Variants in SCAP observed in about 807,000 individuals in gnomAD.
SCAP encodes the protein SREBF chaperone.
A neutral mutation model predicts 123.6 loss-of-function variants in SCAP; 65 were observed. That is an observed-to-expected ratio of 0.53 (90% CI 0.43 to 0.65). SCAP has a LOEUF of 0.65. SCAP is among the 30% of genes least tolerant of loss of function. The pLI, the probability that SCAP is intolerant of heterozygous loss-of-function variation, is 0.00. For synonymous variants in SCAP, 740 were observed against 726.3 expected, an observed-to-expected ratio of 1.02 and a Z score of -0.30; for missense variants, 1,398 against 1,712.5, an observed-to-expected ratio of 0.82 and a Z score of 3.24.
At chr3:47,418,078 G>A in intron 16 of SCAP, 56 bp downstream of exon 16, 1 of 1,337,138 alleles carries the variant, frequency 7.5e-7, no homozygotes, top group Non-Finnish European at 1.0e-6. Context: ...TGGCGGCGGG[G>A]GGTGGGGTGA....
At chr3:47,475,062 A>C (rs983735288) in intron 1 of SCAP, among the ~76,000 whole-genome samples, 5 of 152,136 alleles carry the variant, frequency 3.3e-5, no homozygotes, top group Non-Finnish European at 7.4e-5. Context: ...CCCCAGAAAG[A>C]GTTTATTCAC....
upstream of SCAP, chr3:47,476,122 G>C (rs956379513): frequency 3.9e-5 from 6 of 152,150 alleles, no homozygotes; most frequent in Non-Finnish European, 7.3e-5. Flanking sequence ...GTGAAGCCGG[G>C]TTAGGGCCCG....
intron 2 of SCAP, among the ~76,000 whole-genome samples, chr3:47,438,444 T>G (rs1428404673): frequency 6.6e-6 from 1 of 151,744 alleles, no homozygotes; most frequent in Non-Finnish European, 1.5e-5. Context: ...TCAGAATTCA[T>G]TTAGGGCTGC....
chr3:47,423,361 G>C (rs371639379), intron 9 of SCAP, among the ~76,000 whole-genome samples: 1 of 152,234 alleles, frequency 6.6e-6, no homozygotes, highest in African/African-American at 2.4e-5. Context: ...TAGTGTGCTG[G>C]AGTGAGGCAG....
chr3:47,419,551 G>A lies in SCAP; in HGVS notation c.1717C>T (p.Pro573Ser), dbSNP rs780097900. 1 of 1,613,306 alleles carries A rather than the reference G, an allele frequency of 6.2e-7. No homozygotes were observed. Among genetic ancestry groups the A allele is most frequent in the South Asian group, 1.1e-5 (1 of 91,064 alleles). Residue 573 changes from proline to serine, a missense_variant, in exon 13 of 23, where the codon CCG becomes TCG. Transcript: ENST00000265565. The surrounding 1 kb of genome is among the most constrained non-coding windows in gnomAD (Gnocchi z 5.0). ...VPSGMLPPSH[P>S]DPAFSIFPPD... ...GGGAAGATGGAGAAGGCAGGGTCCG[G>A]GTGGCTGGGGGGCAGCATGCCACTA...
At chr3:47,423,085 T>A (rs1705977114) in intron 9 of SCAP, among the ~76,000 whole-genome samples, 1 of 152,066 alleles carries the variant, frequency 6.6e-6, no homozygotes, top group Admixed American at 6.5e-5. Flanking sequence ...TCTTCCTAAC[T>A]CCATATCCAG....
At chr3:47,431,687 GTCC>G (rs1239173637) in intron 3 of SCAP, among the ~76,000 whole-genome samples, 1 of 152,102 alleles carries the variant, frequency 6.6e-6, no homozygotes, top group African/African-American at 2.4e-5. Context: ...GCGGTAAAAT[GTCC>G]TCCTCCTCCT....
chr3:47,458,015 C>T (rs1045848264), intron 1 of SCAP, among the ~76,000 whole-genome samples: 3 of 152,150 alleles, frequency 2.0e-5, no homozygotes, highest in East Asian at 3.9e-4. Context: ...AGGTCGGGCA[C>T]GGTGGCTCAC....
rs376114087 is a variant in SCAP, at chr3:47,418,757, C to T, written c.2027G>A (p.Arg676His). 47 of 1,588,056 alleles carry T rather than the reference C, an allele frequency of 3.0e-5. No homozygotes were observed. In the Middle Eastern group the frequency reaches 6.8e-4, roughly 23 times the overall value. Reference protein sequence around the residue: ...ALEGRHPQDGRSAWPPPGPIP... With the variant: ...ALEGRHPQDGHSAWPPPGPIP... The stretch of plus-strand genomic sequence containing the variant: ...GGGCCCCGGTGGGGGCCAGGCACTG[C>T]GGCCGTCCTGAGGGTGCCGGCCCTC... Residue 676 changes from arginine (R) to histidine (H), a missense_variant, in exon 14 of 23, where the codon CGC becomes CAC. Arg to His is a conservative substitution (Grantham distance 29, BLOSUM62 0). This residue lies in a region of SCAP where 828 missense variants were observed against 882.5 expected (regional missense o/e 0.94). Coordinates refer to ENST00000265565, the MANE Select transcript of SCAP (RefSeq NM_012235.4).
In SCAP at chr3:47,422,745, CG is replaced by C. The variant is rs545874639; in HGVS notation, c.1151-210del. 233 of 497,176 alleles carry C rather than the reference CG, an allele frequency of 4.7e-4. 1 individual carries two copies. The highest frequency in any genetic ancestry group is 4.1e-3 in the African/African-American group (211 of 51,294). 30.8% of individuals were successfully genotyped at this position (497,176 alleles called of 1,614,324 possible). A position where few individuals can be genotyped will look rare whatever the true frequency, so the allele number is the denominator to read the frequency against. ...ACCACCACACAGCTGCTACGGGGAACGGGTGTTCACAGCCTGGAGGGTGCAG... is the reference window on the plus strand; with the variant it reads ...ACCACCACACAGCTGCTACGGGGAACGGTGTTCACAGCCTGGAGGGTGCAG... On this transcript the variant is annotated intron_variant, in intron 9 of 22. Transcript: ENST00000265565.
chr3:47,422,166 C>G (rs1004269596), intron 10 of SCAP, among the ~76,000 whole-genome samples: 1 of 152,264 alleles, frequency 6.6e-6, no homozygotes, highest in African/African-American at 2.4e-5. Context: ...GAAAGGGAAG[C>G]AGGCAGGGAG....
At chr3:47,440,658 C>G (rs1418993236) in intron 2 of SCAP, among the ~76,000 whole-genome samples, 1 of 152,142 alleles carries the variant, frequency 6.6e-6, no homozygotes, top group Non-Finnish European at 1.5e-5. Context: ...ATCACGAGCT[C>G]AGGAGTTTGA....
intron 3 of SCAP, among the ~76,000 whole-genome samples, chr3:47,433,069 T>G (rs967989046): frequency 3.3e-5 from 5 of 152,142 alleles, no homozygotes; most frequent in African/African-American, 1.2e-4. Flanking sequence ...GAGGACAAAG[T>G]CAAGAGATGG....
intron 1 of SCAP, among the ~76,000 whole-genome samples, chr3:47,443,892 A>G (rs765971437): frequency 9.9e-5 from 15 of 152,116 alleles, no homozygotes; most frequent in Non-Finnish European, 1.9e-4. Flanking sequence ...CTCTCCCTGG[A>G]CTTTGACTTC....
intron 18 of SCAP, among the ~76,000 whole-genome samples, chr3:47,416,793 A>T (rs992224350): frequency 2.0e-4 from 30 of 149,876 alleles, no homozygotes; most frequent in Admixed American, 5.3e-4. Context: ...CGCCCGGCTA[A>T]TTTTTTGTAT....
chr3:47,448,278 G>A (rs527964267), intron 1 of SCAP, among the ~76,000 whole-genome samples: 13 of 152,178 alleles, frequency 8.5e-5, no homozygotes, highest in African/African-American at 3.1e-4. Context: ...TTCATTGCTA[G>A]TACATTGATT....
At chr3:47,416,205 G>A (rs920697376) in intron 18 of SCAP, among the ~76,000 whole-genome samples, 36 of 152,220 alleles carry the variant, frequency 2.4e-4, no homozygotes, top group African/African-American at 8.0e-4. Flanking sequence ...AGGCAAAGGC[G>A]TCCGGCAGAA....
chr3:47,414,206 C>T lies in SCAP; in HGVS notation c.3568G>A (p.Gly1190Ser). The T allele has an allele frequency of 6.2e-7, 1 of 1,613,746 alleles. No homozygotes were observed. Among genetic ancestry groups the T allele is most frequent in the Non-Finnish European group, 8.5e-7 (1 of 1,180,026 alleles). ...TGCTGAATGGAGTAGAACTTGATGC[C>T]TGTGCTGCGGTCCCAGATGCTGATG... ...DLISIWDRST[G>S]IKFYSIQQDL... is the part of the protein sequence containing the mutation. The change falls in exon 22 of 23, where the codon GGC becomes AGC. Residue 1190 changes from glycine (G) to serine (S), a missense_variant. Coordinates refer to ENST00000265565, the MANE Select transcript of SCAP (RefSeq NM_012235.4).
Position 47,417,704 on chromosome 3 carries a change from C to T in SCAP, c.2570G>A (p.Arg857His), listed in dbSNP as rs755762666. ...GGAAGGCGGCGGAGGGCCCCGGGGG[C>T]GGTGTCTCAGGGGAGGGCTGTCCCC... ...EPGDSPPLRHRPRGPPPPSLF... is the reference protein window; with the variant it reads ...EPGDSPPLRHHPRGPPPPSLF... Residue 857 changes from arginine to histidine, a missense_variant, in exon 17 of 23, where the codon CGC becomes CAC. This residue lies in a region of SCAP where 828 missense variants were observed against 882.5 expected (regional missense o/e 0.94). Coordinates refer to ENST00000265565, the MANE Select transcript of SCAP (RefSeq NM_012235.4). The T allele has an allele frequency of 3.9e-5, 63 of 1,607,580 alleles. No homozygotes were observed. The highest frequency in any genetic ancestry group is 1.2e-4 in the South Asian group (11 of 90,716).
Sources: allele counts gnomAD v4.1 joint callset (sites outside exome capture counted in the v4.1 genomes callset), GRCh38; gene constraint gnomAD v4.1.1; regional missense constraint gnomAD v4.1.1; non-coding constraint Gnocchi (gnomAD v3.1); transcripts MANE v1.5; gene names NCBI Gene and HGNC (gene_info 2026-07-23, HGNC 2026-07-21).